The following WDR25 variants were observed in gnomAD, a reference collection of about 807,000 sequenced individuals.
WDR25 encodes the protein WD repeat-containing protein 25.
Under a neutral mutation model 47.7 loss-of-function variants are expected in WDR25, and 35 were observed. The observed-to-expected ratio is 0.73, with a 90% CI of 0.56 to 0.97. WDR25 has a LOEUF of 0.97. Among genes scored for constraint, WDR25 ranks in the 50% least tolerant of loss-of-function variants. The pLI is 0.00. For missense variants in WDR25, 634 were observed against 704.7 expected (o/e 0.90, Z 1.14); for synonymous variants, 248 against 278.9 (o/e 0.89, Z 1.10).
chr14:100,429,792 G>T (rs1430426095), intron 2 of WDR25, among the ~76,000 whole-genome samples: 1 of 152,114 alleles, frequency 6.6e-6, no homozygotes, highest in African/African-American at 2.4e-5. Context: ...TTTCCTTGGT[G>T]TGTGCGTGCT....
At chr14:100,510,721 G>T (rs889823297) in intron 4 of WDR25, among the ~76,000 whole-genome samples, 3 of 139,848 alleles carry the variant, frequency 2.1e-5, no homozygotes, top group African/African-American at 9.9e-5. Flanking sequence ...GGGTGACAGA[G>T]CGAGACACCA....
rs192826786 is a variant in WDR25, at chr14:100,454,171, A to G, written c.823-13850A>G. On this transcript the variant is annotated intron_variant, in intron 2 of 6. Transcript: ENST00000402312. Reference sequence around the variant, plus strand: ...TGAAATTGGCTCAAACTCCCATACCATGTATCCTACAAACCCTGAAGTGTT... The same window carrying G: ...TGAAATTGGCTCAAACTCCCATACCGTGTATCCTACAAACCCTGAAGTGTT... Among the ~76,000 whole-genome samples the G allele has an allele frequency of 3.9e-5, 6 of 152,296 alleles. No individual in the cohort carries two copies. In the East Asian group the frequency reaches 1.2e-3, roughly 29 times the overall value.
At chr14:100,427,370 C>A (rs1898199288) in intron 2 of WDR25, among the ~76,000 whole-genome samples, 2 of 152,204 alleles carry the variant, frequency 1.3e-5, no homozygotes, top group African/African-American at 4.8e-5. Context: ...CCAAATGTAT[C>A]CCGTTCACCA....
intron 2 of WDR25, among the ~76,000 whole-genome samples, chr14:100,434,565 T>A (rs1401229075): frequency 6.6e-6 from 1 of 152,252 alleles, no homozygotes; most frequent in Non-Finnish European, 1.5e-5. Context: ...GTTATTCATT[T>A]GAAATACAAT....
intron 2 of WDR25, among the ~76,000 whole-genome samples, chr14:100,394,573 C>T (rs1897216556): frequency 6.6e-6 from 1 of 152,122 alleles, no homozygotes; most frequent in Admixed American, 6.6e-5. Context: ...GGGACCAGAC[C>T]CACTCTTGCT....
chr14:100,494,157 C>G (rs1327082492), intron 4 of WDR25, among the ~76,000 whole-genome samples: 9 of 152,222 alleles, frequency 5.9e-5, no homozygotes, highest in Admixed American at 6.5e-5. Context: ...GTCCTGGGCT[C>G]AAGGGATCCT....
chr14:100,454,360 G>C lies in WDR25; in HGVS notation c.823-13661G>C, dbSNP rs917277163. ...TAATGGGGTAATGGAGTATGTGTAT[G>C]GCAGGTGTGAGGGTGGAGGTGAGGA... On this transcript the variant is annotated intron_variant, in intron 2 of 6. Transcript: ENST00000402312. The C allele has an allele frequency of 2.5e-4, 322 of 1,286,196 alleles. 1 individual carries two copies. Among genetic ancestry groups the C allele is most frequent in the Non-Finnish European group, 2.9e-4 (283 of 988,102 alleles). 79.7% of individuals were successfully genotyped at this position (1,286,196 alleles called of 1,614,324 possible).
At chr14:100,395,836 C>A (rs1420818458) in intron 2 of WDR25, among the ~76,000 whole-genome samples, 1 of 152,142 alleles carries the variant, frequency 6.6e-6, no homozygotes, top group African/African-American at 2.4e-5. Flanking sequence ...CCCCACCCAC[C>A]CCTCACCTCC....
At chr14:100,465,057 C>G (rs1371882010) in intron 2 of WDR25, among the ~76,000 whole-genome samples, 2 of 152,038 alleles carry the variant, frequency 1.3e-5, no homozygotes, top group African/African-American at 4.8e-5. Context: ...GCTTTTCCCT[C>G]TAGCCCTGCC....
chr14:100,476,931 G>A (rs1900038584), intron 3 of WDR25, among the ~76,000 whole-genome samples: 1 of 152,202 alleles, frequency 6.6e-6, no homozygotes, highest in Non-Finnish European at 1.5e-5. Context: ...CCTATTATGT[G>A]CCAGGAACTA....
intron 2 of WDR25, among the ~76,000 whole-genome samples, chr14:100,416,881 A>G (rs1232241675): frequency 6.6e-6 from 1 of 152,240 alleles, no homozygotes; most frequent in African/African-American, 2.4e-5. Context: ...CTTCACAGTC[A>G]TGAGGTACTT....
chr14:100,482,697 G>C (rs1158702628), intron 3 of WDR25, among the ~76,000 whole-genome samples: 2 of 152,266 alleles, frequency 1.3e-5, no homozygotes, highest in Admixed American at 6.5e-5. Context: ...AATGTGTGGG[G>C]GTCACAGAAC....
At chr14:100,510,737 A>AAATAATAAT (rs556858291) in intron 4 of WDR25, among the ~76,000 whole-genome samples, 2,756 of 146,970 alleles carry the variant, frequency 0.019, 90 homozygotes, top group African/African-American at 0.065. Context: ...CACCATCTCA[A>AAATAATAAT]AATAATAATA....
At chr14:100,482,496 C>G (rs1451186403) in intron 3 of WDR25, among the ~76,000 whole-genome samples, 1 of 152,078 alleles carries the variant, frequency 6.6e-6, no homozygotes, top group Non-Finnish European at 1.5e-5. Context: ...ACACAGATAT[C>G]TATATATTGG....
At chr14:100,443,140 G>A (rs558197682) in intron 2 of WDR25, among the ~76,000 whole-genome samples, 5 of 152,346 alleles carry the variant, frequency 3.3e-5, no homozygotes, top group South Asian at 2.1e-4. Context: ...CCAGGGCAAG[G>A]TGGAGCTGGG....
At chr14:100,409,726 T>G (rs1897651859) in intron 2 of WDR25, among the ~76,000 whole-genome samples, 1 of 152,256 alleles carries the variant, frequency 6.6e-6, no homozygotes, top group Non-Finnish European at 1.5e-5. Flanking sequence ...AAACCTGCAC[T>G]TGGCCCTGTG....
intron 3 of WDR25, among the ~76,000 whole-genome samples, chr14:100,474,244 T>G (rs1899943500): frequency 6.6e-6 from 1 of 152,228 alleles, no homozygotes; most frequent in Non-Finnish European, 1.5e-5. Context: ...CTTTCCTTAC[T>G]TCTTTGGAGT....
At position 100,399,165 on chromosome 14, in the gene WDR25, C is replaced by T. The variant is rs34404414; in HGVS notation, c.822+17419C>T. ...GCTAATGTTGACATTAGCTAGAATTCGAATTTAGACTGCTTACCACATTGA... is the reference window on the plus strand; with the variant it reads ...GCTAATGTTGACATTAGCTAGAATTTGAATTTAGACTGCTTACCACATTGA... On this transcript the variant is annotated intron_variant, in intron 2 of 6. Transcript: ENST00000402312. 4.2e-3 allele frequency among the ~76,000 whole-genome samples: 630 copies of T among 151,574 alleles called. 5 individuals carry two copies. The highest frequency in any genetic ancestry group is 0.018 in the East Asian group (90 of 5,140).
chr14:100,394,209 T>C (rs191043838), intron 2 of WDR25, among the ~76,000 whole-genome samples: 7 of 152,308 alleles, frequency 4.6e-5, no homozygotes, highest in African/African-American at 1.4e-4. Context: ...AATAATCCGG[T>C]GCGCACCCAG....
Sources: allele counts gnomAD v4.1 joint callset (sites outside exome capture counted in the v4.1 genomes callset), GRCh38; gene constraint gnomAD v4.1.1; transcripts MANE v1.5; gene names NCBI Gene and HGNC (gene_info 2026-07-23, HGNC 2026-07-21).